The following CUX1 variants were observed in gnomAD, a reference collection of about 807,000 sequenced individuals.
CUX1 encodes the protein protein CASP.
A neutral mutation model predicts 158.8 loss-of-function variants in CUX1; 31 were observed. That is an observed-to-expected ratio of 0.20 (90% CI 0.15 to 0.26). CUX1 has a LOEUF of 0.26. CUX1 is among the 10% of genes least tolerant of loss of function. The pLI, the probability that CUX1 is intolerant of heterozygous loss-of-function variation, is 1.00. For missense variants in CUX1, 1,589 were observed against 2,014.6 expected (o/e 0.79, Z 4.04); for synonymous variants, 879 against 862.1 (o/e 1.02, Z -0.34).
intron 2 of CUX1, among the ~76,000 whole-genome samples, chr7:102,020,141 G>A (rs903531124): frequency 2.6e-5 from 4 of 152,188 alleles, no homozygotes; most frequent in Admixed American, 6.5e-5. Context: ...AAATTGCCAG[G>A]ACATACTTAC....
intron 1 of CUX1, among the ~76,000 whole-genome samples, chr7:101,891,518 C>T (rs1270268360): frequency 6.6e-6 from 1 of 152,224 alleles, no homozygotes; most frequent in Non-Finnish European, 1.5e-5. Flanking sequence ...AGCCCTCACA[C>T]CCAGCCAGGA....
rs1586458757 is a variant in CUX1 at position 102,254,042 on chromosome 7, A to G, written c.*5000A>G. ...AAAGCTGCCAGCGCAGCAGACACGA[A>G]CATCCCTCTGCCTGGTGGGCCGGCT... On this transcript the variant is annotated 3_prime_UTR_variant, in exon 24 of 24. Transcript: ENST00000292535. 2.0e-6 allele frequency: 2 copies of G among 985,446 alleles called. No homozygotes were observed. The highest frequency in any genetic ancestry group is 1.1e-4 in the East Asian group (1 of 8,806). The allele number at this position is 985,446 out of a possible 1,614,324, so 61.0% of individuals were successfully genotyped here. A position where few individuals can be genotyped will look rare whatever the true frequency, so the allele number is the denominator to read the frequency against.
At chr7:101,846,656 A>G (rs565493423) in intron 1 of CUX1, among the ~76,000 whole-genome samples, 1 of 152,292 alleles carries the variant, frequency 6.6e-6, no homozygotes, top group African/African-American at 2.4e-5. Flanking sequence ...TAGTTCTGAC[A>G]GTATCGATCA....
At position 102,248,395 on chromosome 7, in the gene CUX1, C is replaced by T. The variant is rs1395668889; in HGVS notation, c.3888-17C>T. 17 of 1,577,232 alleles carry T rather than the reference C, an allele frequency of 1.1e-5. No individual in the cohort carries two copies. The highest frequency in any genetic ancestry group is 3.5e-5 in the Admixed American group (2 of 57,288). ...AGCAGCACCCCCCTCACGTCCCCGC[C>T]GCTTGTTGTCTTGTAGGTCTCGGAT... On this transcript the variant is annotated splice_polypyrimidine_tract_variant and intron_variant, in intron 23 of 23. Coordinates refer to ENST00000292535, the MANE Select transcript of CUX1 (RefSeq NM_181552.4). The surrounding 1 kb of genome is among the most constrained non-coding windows in gnomAD (Gnocchi z 5.8).
At chr7:102,135,838 G>A (rs780058155) in intron 8 of CUX1, among the ~76,000 whole-genome samples, 65 of 151,990 alleles carry the variant, frequency 4.3e-4, no homozygotes, top group South Asian at 1.2e-3. Context: ...GTCCTGGTGT[G>A]GTGGCGCGTG....
intron 8 of CUX1, among the ~76,000 whole-genome samples, chr7:102,142,680 A>AG (rs1233500795): frequency 6.6e-6 from 1 of 151,334 alleles, no homozygotes; most frequent in African/African-American, 2.4e-5. Context: ...CCAGGTATTC[A>AG]GGGGATCGAG....
chr7:102,189,489 G>C (rs1017361307), intron 11 of CUX1, among the ~76,000 whole-genome samples: 5 of 151,080 alleles, frequency 3.3e-5, no homozygotes, highest in Non-Finnish European at 7.4e-5. Context: ...TCCAACTCCC[G>C]GGCTCAGGCA....
At chr7:102,035,670 A>AC (rs1821349127) in intron 3 of CUX1, among the ~76,000 whole-genome samples, 1 of 150,792 alleles carries the variant, frequency 6.6e-6, no homozygotes, top group Admixed American at 6.6e-5. Flanking sequence ...AAAAAAAAAA[A>AC]CTATAGCTAG....
intron 2 of CUX1, among the ~76,000 whole-genome samples, chr7:101,996,123 AGAG>A (rs1381298692): frequency 3.3e-5 from 5 of 151,308 alleles, no homozygotes; most frequent in East Asian, 3.9e-4. Flanking sequence ...AAAAAAAAAA[AGAG>A]AGAGAGATGC....
intron 1 of CUX1, among the ~76,000 whole-genome samples, chr7:101,838,054 G>A (rs1277774103): frequency 6.6e-6 from 1 of 151,178 alleles, no homozygotes; most frequent in Non-Finnish European, 1.5e-5. Context: ...CCTATTTTGT[G>A]TGTATACGTG....
At chr7:102,095,620 G>A (rs550658145) in intron 4 of CUX1, among the ~76,000 whole-genome samples, 2 of 152,232 alleles carry the variant, frequency 1.3e-5, no homozygotes, top group East Asian at 1.9e-4. Flanking sequence ...CCTGGCCCTC[G>A]ATTCCAGGAA....
At chr7:102,070,287 T>TGTAATGCTTTGTAAATTACCTCTC in intron 3 of CUX1, 52 bp from the exon 4 acceptor site, 1 of 1,491,144 alleles carries the variant, frequency 6.7e-7, no homozygotes. Context: ...AATTACCTCT[T>TGTAATGCTTTGTAAATTACCTCTC]GACAAATGTT....
At chr7:101,944,826 G>C (rs1317691394) in intron 2 of CUX1, among the ~76,000 whole-genome samples, 1 of 152,200 alleles carries the variant, frequency 6.6e-6, no homozygotes. Flanking sequence ...GCACACCCAG[G>C]TTGCATCTGT....
chr7:102,102,345 AC>A (rs1437200382), intron 5 of CUX1, among the ~76,000 whole-genome samples: 1 of 142,440 alleles, frequency 7.0e-6, no homozygotes, highest in Non-Finnish European at 1.5e-5. Context: ...AATTGCTTGA[AC>A]CCAGGAAGCA....
intron 8 of CUX1, among the ~76,000 whole-genome samples, chr7:102,121,441 G>C (rs782383521): frequency 6.6e-6 from 1 of 152,058 alleles, no homozygotes; most frequent in African/African-American, 2.4e-5. Flanking sequence ...CGCCTCCCGG[G>C]TTCAAGCGAT....
chr7:102,127,475 G>A (rs1320032402), intron 8 of CUX1, among the ~76,000 whole-genome samples: 2 of 152,194 alleles, frequency 1.3e-5, no homozygotes, highest in East Asian at 3.9e-4. Flanking sequence ...AAAGTGCTGA[G>A]TGGGATTATA....
chr7:102,161,308 A>C (rs1790408699), intron 9 of CUX1: 2 of 152,352 alleles, frequency 1.3e-5, no homozygotes, highest in African/African-American at 4.8e-5. Context: ...TGATTGCACC[A>C]CTGCACCCCA....
chr7:102,105,247 G>T (rs1208839052), intron 6 of CUX1, among the ~76,000 whole-genome samples: 1 of 150,310 alleles, frequency 6.7e-6, no homozygotes, highest in South Asian at 2.1e-4. Context: ...TTACACACAC[G>T]CGCACACACA....
intron 9 of CUX1, among the ~76,000 whole-genome samples, chr7:102,162,997 T>C (rs1790618122): frequency 1.3e-5 from 2 of 152,116 alleles, no homozygotes; most frequent in Non-Finnish European, 2.9e-5. Context: ...ACAAGAAGGC[T>C]CAAAGGGTCC....
Sources: gnomAD v4.1 joint callset for allele counts (sites outside exome capture counted in the v4.1 genomes callset) on GRCh38, gnomAD v4.1.1 for gene constraint, Gnocchi (gnomAD v3.1) non-coding constraint, MANE v1.5 for transcripts, NCBI Gene and HGNC (gene_info 2026-07-23, HGNC 2026-07-21) for gene names.